NARS2: variants seen among roughly 807,000 people sequenced by gnomAD.
The protein encoded by NARS2 is asparaginyl-tRNA synthetase.
Under a neutral mutation model 62.9 loss-of-function variants are expected in NARS2, and 60 were observed. The observed-to-expected ratio is 0.95, with a 90% CI of 0.77 to 1.18. The LOEUF is 1.18. NARS2 is among the 50% of genes most tolerant of loss of function. The pLI, the probability that NARS2 is intolerant of heterozygous loss-of-function variation, is 0.00. For synonymous variants in NARS2, 196 were observed against 200.0 expected (o/e 0.98, Z 0.17); for missense variants, 619 against 576.4 (o/e 1.07, Z -0.76).
chr11:78,540,345 A>G (rs746600093), intron 5 of NARS2, among the ~76,000 whole-genome samples: 7 of 152,196 alleles, frequency 4.6e-5, no homozygotes, highest in Non-Finnish European at 7.3e-5. Context: ...AATTTAGCTG[A>G]GCAGTTTCAC....
chr11:78,548,838 C>T (rs191343082), intron 5 of NARS2, among the ~76,000 whole-genome samples: 11 of 152,080 alleles, frequency 7.2e-5, no homozygotes, highest in Admixed American at 5.2e-4. Context: ...CTCTAGAAAT[C>T]GTCTTAAGGG....
At chr11:78,450,776 G>A (rs1857945244) in intron 11 of NARS2, among the ~76,000 whole-genome samples, 2 of 148,576 alleles carry the variant, frequency 1.3e-5, no homozygotes, top group African/African-American at 2.5e-5. Flanking sequence ...TCAGGTTCAA[G>A]TGATTCTCCT....
Position 78,436,171 on chromosome 11 carries a change from C to G in NARS2, c.*499G>C, listed in dbSNP as rs909842296. ...ATTCAGAATAGCTACTTCTTTAAAT[C>G]AATTAAGACCTTAAGGAATATTTTT... On this transcript the variant is annotated 3_prime_UTR_variant, in exon 14 of 14. Transcript: ENST00000281038. 1.1e-4 allele frequency: 16 copies of G among 152,162 alleles called. No individual in the cohort carries two copies. Among genetic ancestry groups the G allele is most frequent in the African/African-American group, 3.9e-4 (16 of 41,354 alleles). 9.4% of individuals were successfully genotyped at this position (152,162 alleles called of 1,614,324 possible). A position where few individuals can be genotyped will look rare whatever the true frequency, so the allele number is the denominator to read the frequency against.
chr11:78,560,761 T>G (rs769031221), intron 4 of NARS2, among the ~76,000 whole-genome samples: 2 of 152,248 alleles, frequency 1.3e-5, no homozygotes, highest in Non-Finnish European at 2.9e-5. Context: ...TATTAAAATG[T>G]ACACTTAATC....
chr11:78,551,440 T>C (rs1856108162), intron 5 of NARS2, among the ~76,000 whole-genome samples: 1 of 152,232 alleles, frequency 6.6e-6, no homozygotes, highest in Non-Finnish European at 1.5e-5. Flanking sequence ...TATAATCTTA[T>C]GGGATCACCA....
intron 5 of NARS2, among the ~76,000 whole-genome samples, chr11:78,545,524 CTTTT>C (rs888860047): frequency 7.4e-6 from 1 of 134,848 alleles, no homozygotes. Flanking sequence ...ATGCTTTTTC[CTTTT>C]TTTTTTTTTT....
intron 5 of NARS2, among the ~76,000 whole-genome samples, chr11:78,531,665 T>A (rs944024686): frequency 2.6e-5 from 4 of 152,166 alleles, no homozygotes; most frequent in Admixed American, 1.3e-4. Flanking sequence ...GAATGGAATA[T>A]CATTCAGCCA....
intron 5 of NARS2, among the ~76,000 whole-genome samples, chr11:78,537,990 A>G (rs1441767839): frequency 6.6e-6 from 1 of 152,218 alleles, no homozygotes; most frequent in African/African-American, 2.4e-5. Context: ...CCAGAAATAA[A>G]GAATTCTTAA....
intron 6 of NARS2, among the ~76,000 whole-genome samples, chr11:78,509,275 T>C (rs1459482178): frequency 6.6e-6 from 1 of 152,132 alleles, no homozygotes; most frequent in African/African-American, 2.4e-5. Flanking sequence ...AAGACATTCC[T>C]ACTTAAACAA....
chr11:78,532,942 C>T (rs907490893), intron 5 of NARS2, among the ~76,000 whole-genome samples: 1 of 152,158 alleles, frequency 6.6e-6, no homozygotes, highest in African/African-American at 2.4e-5. Flanking sequence ...CTCAGCTTCT[C>T]CACTTCTCAG....
rs769357563 is a variant in NARS2 at position 78,528,932 on chromosome 11, G to A, written c.599C>T (p.Ser200Leu). Residue 200 changes from serine (S) to leucine (L), a missense_variant, in exon 6 of 14, where the codon TCA becomes TTA. Ser to Leu is a moderately radical substitution (Grantham distance 145). Coordinates refer to ENST00000281038, the MANE Select transcript of NARS2 (RefSeq NM_024678.6). ...CTCCTCAGGTACCTTAAGTTTGCCTGAAGGCTGCAAATCAAAAACATAAGC... is the reference window on the plus strand; with the variant it reads ...CTCCTCAGGTACCTTAAGTTTGCCTAAAGGCTGCAAATCAAAAACATAAGC... ...GAGELFQLEP[S>L]GKLKVPEENF... The A allele has an allele frequency of 2.5e-6, 4 of 1,607,982 alleles. No homozygotes were observed. In the East Asian group the frequency reaches 6.7e-5, roughly 27 times the overall value.
intron 5 of NARS2, among the ~76,000 whole-genome samples, chr11:78,538,846 T>A (rs1855490429): frequency 6.7e-6 from 1 of 150,272 alleles, no homozygotes; most frequent in African/African-American, 2.5e-5. Flanking sequence ...ATACAAAAAA[T>A]TAGCCGGGCG....
intron 12 of NARS2, among the ~76,000 whole-genome samples, chr11:78,442,622 TC>T (rs372949794): frequency 0.14 from 14,413 of 100,336 alleles, 2,338 homozygotes; most frequent in African/African-American, 0.42. Flanking sequence ...GTAAAGTCTT[TC>T]TTTTTTTTTT....
At chr11:78,545,117 GATT>G (rs1342198363) in intron 5 of NARS2, among the ~76,000 whole-genome samples, 7 of 152,006 alleles carry the variant, frequency 4.6e-5, no homozygotes, top group African/African-American at 1.4e-4. Flanking sequence ...AAAATACACT[GATT>G]ATATTACTTT....
chr11:78,499,094 T>A (rs1860184666), intron 6 of NARS2, among the ~76,000 whole-genome samples: 1 of 151,796 alleles, frequency 6.6e-6, no homozygotes, highest in African/African-American at 2.4e-5. Context: ...TTTTTTGTAT[T>A]TTCAGTAGAG....
At position 78,574,569 on chromosome 11, in the gene NARS2, G is replaced by A. The variant is rs1857060512; in HGVS notation, c.-81C>T. The A allele has an allele frequency of 6.9e-7, 1 of 1,451,712 alleles. No homozygotes were observed. The highest frequency in any genetic ancestry group is 9.1e-7 in the Non-Finnish European group (1 of 1,095,226). The allele number at this position is 1,451,712 out of a possible 1,614,324, so 89.9% of individuals were successfully genotyped here. On this transcript the variant is annotated 5_prime_UTR_variant, in exon 1 of 14. Coordinates refer to ENST00000281038, the MANE Select transcript of NARS2 (RefSeq NM_024678.6). ...CGCCTGCAGCGGCCCTCCTTTCTCA[G>A]CTGCTCCCCTTCCGCGGCCGCAGCT...
chr11:78,572,714 G>A (rs1019289538), intron 1 of NARS2, among the ~76,000 whole-genome samples: 1 of 152,096 alleles, frequency 6.6e-6, no homozygotes, highest in Non-Finnish European at 1.5e-5. Context: ...AACATAATGT[G>A]AGTCACATGT....
chr11:78,560,567 A>G (rs1856524685), intron 4 of NARS2, among the ~76,000 whole-genome samples: 1 of 152,236 alleles, frequency 6.6e-6, no homozygotes, highest in South Asian at 2.1e-4. Context: ...ATAAATTCTT[A>G]AATACATATC....
chr11:78,572,223 C>A (rs1179619807), intron 1 of NARS2, among the ~76,000 whole-genome samples: 1 of 152,172 alleles, frequency 6.6e-6, no homozygotes, highest in Non-Finnish European at 1.5e-5. Context: ...CAAACGACTA[C>A]TTTCTTACTT....
Sources: gnomAD v4.1 joint callset for allele counts (sites outside exome capture counted in the v4.1 genomes callset) on GRCh38, gnomAD v4.1.1 for gene constraint, MANE v1.5 for transcripts, NCBI Gene and HGNC (gene_info 2026-07-23, HGNC 2026-07-21) for gene names.